RFX3: variants seen among roughly 807,000 people sequenced by gnomAD.
RFX3 encodes the protein regulatory factor X3, also known as transcription factor RFX3.
RFX3 carries 14 observed loss-of-function variants against 98.6 expected under a neutral mutation model. The observed-to-expected ratio is 0.14, with a 90% CI of 0.09 to 0.22. RFX3 has a LOEUF of 0.22. RFX3 is among the 10% of genes least tolerant of loss of function. RFX3 has a pLI of 1.00. For missense variants in RFX3, 639 were observed against 926.9 expected (o/e 0.69, Z 4.03); for synonymous variants, 383 against 328.4 (o/e 1.17, Z -1.80).
At chr9:3,494,892 C>T (rs1181101807) in intron 1 of RFX3, among the ~76,000 whole-genome samples, 1 of 151,912 alleles carries the variant, frequency 6.6e-6, no homozygotes, top group East Asian at 1.9e-4. Flanking sequence ...TCCATTCACA[C>T]TTTGAGAAGC....
At chr9:3,329,270 T>A in intron 4 of RFX3, among the ~76,000 whole-genome samples, 1 of 151,754 alleles carries the variant, frequency 6.6e-6, no homozygotes, top group Admixed American at 6.6e-5. Flanking sequence ...TAGCCAGGCA[T>A]GGTGGCATGT....
chr9:3,499,926 C>G (rs1382036732), intron 1 of RFX3, among the ~76,000 whole-genome samples: 1 of 152,084 alleles, frequency 6.6e-6, no homozygotes, highest in Non-Finnish European at 1.5e-5. Context: ...CTTAACTATT[C>G]TGAGCTGGGA....
chr9:3,364,453 A>G, intron 2 of RFX3: 1 of 264,602 alleles, frequency 3.8e-6, no homozygotes, highest in South Asian at 4.3e-5. Context: ...GAAGGGCCAC[A>G]GGAAGTTATT....
intron 11 of RFX3, among the ~76,000 whole-genome samples, chr9:3,266,534 C>A (rs1823654957): frequency 6.6e-6 from 1 of 151,746 alleles, no homozygotes; most frequent in Non-Finnish European, 1.5e-5. Context: ...ACTTATGACG[C>A]TTTTTTGGGA....
intron 1 of RFX3, among the ~76,000 whole-genome samples, chr9:3,429,416 T>C (rs1287611007): frequency 6.7e-6 from 1 of 149,420 alleles, no homozygotes; most frequent in Non-Finnish European, 1.5e-5. Flanking sequence ...ATATATAATA[T>C]ACAAATATAT....
chr9:3,401,791 T>G (rs373761772), intron 1 of RFX3, among the ~76,000 whole-genome samples: 13 of 152,324 alleles, frequency 8.5e-5, no homozygotes, highest in African/African-American at 3.1e-4. Context: ...TAACGGTTCT[T>G]CTTTGTACAG....
chr9:3,511,750 A>C lies in RFX3; in HGVS notation c.-9+13997T>G, dbSNP rs190958079. On this transcript the variant is annotated intron_variant, in intron 1 of 16. Coordinates refer to ENST00000617270, the MANE Select transcript of RFX3 (RefSeq NM_001282116.2). Reference sequence around the variant, plus strand: ...GTTAGTCTTCAACACAGGTTTCTTCAAATATGGGCTACTGTCCCTGGACTT... The same window carrying C: ...GTTAGTCTTCAACACAGGTTTCTTCCAATATGGGCTACTGTCCCTGGACTT... 2.6e-5 allele frequency among the ~76,000 whole-genome samples: 4 copies of C among 152,174 alleles called. No homozygotes were observed. The East Asian group carries it at 7.7e-4, about 29-fold the overall frequency.
In RFX3 at chr9:3,353,015, C is replaced by T. The variant is rs376583443; in HGVS notation, c.118-6251G>A. ...ATATACACCATGGAATACTATGCAG[C>T]CATAAAAAATGATGAGTTCACGTCC... On this transcript the variant is annotated intron_variant, in intron 2 of 16. Coordinates refer to ENST00000617270, the MANE Select transcript of RFX3 (RefSeq NM_001282116.2). Among the ~76,000 whole-genome samples, 514 of 152,046 alleles carry T rather than the reference C, an allele frequency of 3.4e-3. 7 individuals carry two copies. The highest frequency in any genetic ancestry group is 8.7e-3 in the East Asian group (45 of 5,170).
intron 1 of RFX3, among the ~76,000 whole-genome samples, chr9:3,411,537 C>G (rs180672411): frequency 6.6e-6 from 1 of 151,928 alleles, no homozygotes; most frequent in African/African-American, 2.4e-5. Context: ...TTAGTAGAGA[C>G]AGGGTTTCAG....
At chr9:3,358,937 A>G (rs1473039872) in intron 2 of RFX3, among the ~76,000 whole-genome samples, 1 of 151,944 alleles carries the variant, frequency 6.6e-6, no homozygotes, top group Non-Finnish European at 1.5e-5. Flanking sequence ...AGCATGGGGG[A>G]AACTGCTCCC....
chr9:3,396,431 A>G (rs1020496579), intron 1 of RFX3, among the ~76,000 whole-genome samples: 1 of 152,098 alleles, frequency 6.6e-6, no homozygotes, highest in African/African-American at 2.4e-5. Context: ...TTCTTAATCC[A>G]GTCTATCATT....
chr9:3,462,088 T>A (rs1021689554), intron 1 of RFX3, among the ~76,000 whole-genome samples: 1 of 151,956 alleles, frequency 6.6e-6, no homozygotes, highest in East Asian at 1.9e-4. Flanking sequence ...ATGAGACCAG[T>A]GTTACCCTGT....
At position 3,381,347 on chromosome 9, in the gene RFX3, G is replaced by C. The variant is rs191766660; in HGVS notation, c.117+14125C>G. Among the ~76,000 whole-genome samples, 457 of 152,050 alleles carry C rather than the reference G, an allele frequency of 3.0e-3. 6 individuals carry two copies. The highest frequency in any genetic ancestry group is 1.0e-3 in the Non-Finnish European group (69 of 67,944). The stretch of plus-strand genomic sequence containing the variant: ...CCCATAAGAAAAAAATCAATAAAAA[G>C]ATTATTACTGGGATCTGAAGCTTAG... On this transcript the variant is annotated intron_variant, in intron 2 of 16. Transcript: ENST00000617270.
intron 14 of RFX3, among the ~76,000 whole-genome samples, 163 bp downstream of exon 14, chr9:3,256,828 T>G (rs1212575706): frequency 1.3e-5 from 2 of 152,326 alleles, no homozygotes; most frequent in Non-Finnish European, 2.9e-5. Context: ...TTCCATGGTG[T>G]TGTAATCACT....
chr9:3,392,841 A>C (rs1840452197), intron 2 of RFX3, among the ~76,000 whole-genome samples: 1 of 152,146 alleles, frequency 6.6e-6, no homozygotes, highest in African/African-American at 2.4e-5. Flanking sequence ...AAGAAAAATA[A>C]ATGAGTTTTA....
chr9:3,284,885 T>C (rs1305201339), intron 7 of RFX3, among the ~76,000 whole-genome samples: 1 of 151,790 alleles, frequency 6.6e-6, no homozygotes, highest in African/African-American at 2.4e-5. Context: ...ACATTTATTT[T>C]CCGACTCATG....
chr9:3,410,161 C>CTCTGTGTGTGTGTG (rs1554698458), intron 1 of RFX3, among the ~76,000 whole-genome samples: 3 of 114,052 alleles, frequency 2.6e-5, no homozygotes, highest in Non-Finnish European at 3.5e-5. Context: ...GTGAGATAAA[C>CTCTGTGTGTGTGTG]TGTGTGTGTG....
At position 3,409,534 on chromosome 9, in the gene RFX3, G is replaced by A. The variant is rs373694213; in HGVS notation, c.-8-13938C>T. Among the ~76,000 whole-genome samples, 121 of 152,282 alleles carry A rather than the reference G, an allele frequency of 7.9e-4. 3 individuals are homozygous for A. The South Asian group carries it at 0.025, about 31-fold the overall frequency. On this transcript the variant is annotated intron_variant, in intron 1 of 16. Coordinates refer to ENST00000617270, the MANE Select transcript of RFX3 (RefSeq NM_001282116.2). ...TCAAAAACTTTTGCAGCTATTCTAT[G>A]CAGCATCATTTGTGATAAACTTTGT...
chr9:3,405,693 A>T (rs994337807), intron 1 of RFX3, among the ~76,000 whole-genome samples: 3 of 152,122 alleles, frequency 2.0e-5, no homozygotes, highest in Admixed American at 6.5e-5. Flanking sequence ...TCCAAATTTA[A>T]TAAATTACTG....
Sources: allele counts gnomAD v4.1 joint callset (sites outside exome capture counted in the v4.1 genomes callset), GRCh38; gene constraint gnomAD v4.1.1; transcripts MANE v1.5; gene names NCBI Gene and HGNC (gene_info 2026-07-23, HGNC 2026-07-21).